The following ARSG variants were observed in gnomAD, a reference collection of about 807,000 sequenced individuals.
ARSG encodes the protein arylsulfatase G, also known as ASG.
Under a neutral mutation model 50.5 loss-of-function variants are expected in ARSG, and 37 were observed. The observed-to-expected ratio is 0.73, with a 90% CI of 0.56 to 0.96. The LOEUF is 0.96. Among genes scored for constraint, ARSG ranks in the 50% least tolerant of loss-of-function variants. ARSG has a pLI of 0.00. For missense variants in ARSG, 629 were observed against 675.3 expected (o/e 0.93, Z 0.76); for synonymous variants, 225 against 254.6 (o/e 0.88, Z 1.11).
intron 11 of ARSG, among the ~76,000 whole-genome samples, chr17:68,415,279 C>G (rs1292637370): frequency 2.6e-5 from 4 of 152,092 alleles, no homozygotes; most frequent in African/African-American, 9.7e-5. Context: ...ATTTTTGACT[C>G]AATGATCATT....
chr17:68,260,548 C>T (rs1555745009), intron 1 of ARSG, among the ~76,000 whole-genome samples: 1 of 152,180 alleles, frequency 6.6e-6, no homozygotes, highest in Non-Finnish European at 1.5e-5. Flanking sequence ...AGTGCAGTGG[C>T]ATGATCACGG....
Position 68,403,369 on chromosome 17 carries a change from C to T in ARSG, c.1303+1919C>T, listed in dbSNP as rs74466008. On this transcript the variant is annotated intron_variant, in intron 11 of 11. Coordinates refer to ENST00000621439, the MANE Select transcript of ARSG (RefSeq NM_001267727.2). ...TCACAATCAGATAGGAACTATAACA[C>T]CCAGGGGAGGTCTGCTCTTCTAAGG... Among the ~76,000 whole-genome samples the T allele has an allele frequency of 1.7e-3, 262 of 152,262 alleles. 2 individuals are homozygous for T. The highest frequency in any genetic ancestry group is 6.1e-3 in the African/African-American group (253 of 41,534).
intron 1 of ARSG, chr17:68,274,233 AG>A: frequency 1.6e-6 from 1 of 634,956 alleles, no homozygotes; most frequent in Non-Finnish European, 2.6e-6. Context: ...TGGGAGGTTG[AG>A]GACGGAGGAT....
chr17:68,376,945 C>T (rs2080180849), intron 8 of ARSG, among the ~76,000 whole-genome samples: 1 of 152,032 alleles, frequency 6.6e-6, no homozygotes, highest in Non-Finnish European at 1.5e-5. Context: ...CTGCAAACTC[C>T]ACCTTCCAGG....
At chr17:68,437,525 G>C in the ARSG span, among the ~76,000 whole-genome samples, 1 of 151,764 alleles carries the variant, frequency 6.6e-6, no homozygotes, top group Non-Finnish European at 1.5e-5. Context: ...CTGCACTCCA[G>C]CCTGGGTGAG....
downstream of ARSG, among the ~76,000 whole-genome samples, chr17:68,425,074 C>T (rs987725724): frequency 1.2e-4 from 18 of 152,312 alleles, 1 homozygote; most frequent in African/African-American, 3.4e-4. Flanking sequence ...GAAGAAGCCA[C>T]GCCCAGCACT....
chr17:68,449,333 C>T, the ARSG span, among the ~76,000 whole-genome samples: 8 of 152,204 alleles, frequency 5.3e-5, no homozygotes, highest in East Asian at 1.9e-4. Context: ...ACAGTGCCTG[C>T]CTTCACAGTA....
At chr17:68,322,343 A>T (rs2077319499) in intron 2 of ARSG, among the ~76,000 whole-genome samples, 1 of 152,168 alleles carries the variant, frequency 6.6e-6, no homozygotes, top group Non-Finnish European at 1.5e-5. Context: ...AATGTACGAT[A>T]GCTGGCCGGG....
chr17:68,334,123 C>T (rs1371508957), intron 2 of ARSG, among the ~76,000 whole-genome samples: 1 of 152,174 alleles, frequency 6.6e-6, no homozygotes, highest in Non-Finnish European at 1.5e-5. Context: ...TTGGCGCACA[C>T]ACCTTCCCTT....
chr17:68,388,638 C>T (rs986310179), intron 9 of ARSG, among the ~76,000 whole-genome samples: 7 of 152,096 alleles, frequency 4.6e-5, no homozygotes, highest in Non-Finnish European at 7.4e-5. Flanking sequence ...ATTTGAAAAA[C>T]AGCTAAGGCC....
intron 1 of ARSG, chr17:68,274,041 A>G (rs782092805): frequency 6.2e-7 from 1 of 1,614,144 alleles, no homozygotes; most frequent in South Asian, 1.1e-5. Flanking sequence ...CGGTGTCCGA[A>G]ACGATTGCTC....
intron 1 of ARSG, among the ~76,000 whole-genome samples, chr17:68,294,473 T>C (rs1030415140): frequency 6.6e-6 from 1 of 152,150 alleles, no homozygotes; most frequent in Admixed American, 6.5e-5. Context: ...CTTGGGTAAG[T>C]AGACTGAAAG....
the ARSG span, among the ~76,000 whole-genome samples, chr17:68,434,792 C>A: frequency 6.6e-6 from 1 of 152,186 alleles, no homozygotes; most frequent in African/African-American, 2.4e-5. Context: ...ATCAACAATT[C>A]TTGGAAAATG....
At chr17:68,415,367 A>G (rs528864737) in intron 11 of ARSG, among the ~76,000 whole-genome samples, 12 of 152,290 alleles carry the variant, frequency 7.9e-5, no homozygotes, top group African/African-American at 2.9e-4. Context: ...GTTTTATTCC[A>G]CTGTGGTCTG....
intron 9 of ARSG, 113 bp from the exon 10 acceptor site, chr17:68,394,960 A>G (rs2081167962): frequency 1.4e-6 from 2 of 1,479,266 alleles, no homozygotes; most frequent in Admixed American, 2.0e-5. Flanking sequence ...AAGCCAGCCC[A>G]TAGGAGAGGC....
chr17:68,437,252 T>C, the ARSG span, among the ~76,000 whole-genome samples: 2 of 152,100 alleles, frequency 1.3e-5, no homozygotes, highest in Non-Finnish European at 1.5e-5. Flanking sequence ...CAAGAACCTA[T>C]TTAGAAACTG....
the ARSG span, among the ~76,000 whole-genome samples, chr17:68,438,664 G>C: frequency 6.6e-6 from 1 of 152,198 alleles, no homozygotes; most frequent in Non-Finnish European, 1.5e-5. Flanking sequence ...GCAGTGGTGC[G>C]ATCTTGGCTC....
At chr17:68,299,267 G>C (rs1198650698) in intron 1 of ARSG, among the ~76,000 whole-genome samples, 1 of 151,874 alleles carries the variant, frequency 6.6e-6, no homozygotes, top group Non-Finnish European at 1.5e-5. Flanking sequence ...ACCACGCCCG[G>C]CTAATTTTTA....
chr17:68,426,294 T>A, downstream of ARSG: 1 of 785,370 alleles, frequency 1.3e-6, no homozygotes. Flanking sequence ...GCTGTCTGTC[T>A]TCCCCCTGGA....
Sources: allele counts gnomAD v4.1 joint callset (sites outside exome capture counted in the v4.1 genomes callset), GRCh38; gene constraint gnomAD v4.1.1; transcripts MANE v1.5; gene names NCBI Gene and HGNC (gene_info 2026-07-23, HGNC 2026-07-21).